Variants in UBR3 observed in about 807,000 individuals in gnomAD.
The protein encoded by UBR3 is ubiquitin protein ligase E3 component n-recognin 3, also known as E3 ubiquitin-protein ligase UBR3.
In UBR3, 85 loss-of-function variants were observed where a neutral mutation model predicts 243.2. The observed-to-expected ratio is 0.35, with a 90% CI of 0.29 to 0.42. UBR3 has a LOEUF of 0.42. Among genes scored for constraint, UBR3 ranks in the 10% least tolerant of loss-of-function variants. The probability of loss-of-function intolerance (pLI) is 1.00; values close to 1 mark genes in which losing one functional copy is unlikely to be tolerated. For synonymous variants in UBR3, 748 were observed against 799.8 expected, an observed-to-expected ratio of 0.94 and a Z score of 1.09; for missense variants, 1,686 against 2,300.8, an observed-to-expected ratio of 0.73 and a Z score of 5.47.
At chr2:169,863,916 C>A (rs556445250) in intron 1 of UBR3, among the ~76,000 whole-genome samples, 2 of 152,316 alleles carry the variant, frequency 1.3e-5, no homozygotes, top group Non-Finnish European at 2.9e-5. Flanking sequence ...GCATGCCTAG[C>A]CTACCTCCTT....
intron 36 of UBR3, 82 bp downstream of exon 36, chr2:170,073,689 G>T: frequency 3.5e-6 from 5 of 1,413,460 alleles, no homozygotes; most frequent in South Asian, 1.5e-5. Context: ...TTAAATTTTA[G>T]GTCATCTGTT....
intron 26 of UBR3, 37 bp downstream of exon 26, chr2:169,994,493 A>T (rs1224866599): frequency 6.4e-7 from 1 of 1,568,628 alleles, no homozygotes; most frequent in East Asian, 2.3e-5. Flanking sequence ...TTTGTCTGCC[A>T]AGTTGATGGT....
chr2:169,966,724 C>A (rs934003556), intron 24 of UBR3, among the ~76,000 whole-genome samples: 1 of 152,258 alleles, frequency 6.6e-6, no homozygotes, highest in East Asian at 1.9e-4. Context: ...AATTTTTATA[C>A]TACCTCATAG....
Position 169,928,604 on chromosome 2 carries a change from G to T in UBR3, c.2425-123G>T, listed in dbSNP as rs2085999300. On this transcript the variant is annotated intron_variant, in intron 17 of 38. Coordinates refer to ENST00000272793, the MANE Select transcript of UBR3 (RefSeq NM_172070.4). ...GTATTATATAGCCCTCTTGTGGCCA[G>T]CTTTGTATATTACAACCAATTACTA... The T allele has an allele frequency of 2.6e-5, 18 of 679,484 alleles. 1 individual carries two copies. In the South Asian group the frequency reaches 4.7e-4, roughly 18 times the overall value. 42.1% of individuals were successfully genotyped at this position (679,484 alleles called of 1,614,324 possible).
At chr2:169,927,491 T>C in intron 17 of UBR3, 86 bp downstream of exon 17, 1 of 1,092,300 alleles carries the variant, frequency 9.2e-7, no homozygotes, top group Admixed American at 3.0e-5. Context: ...ATTTTTTGAT[T>C]AATTTTTTTT....
chr2:169,829,949 C>T (rs2081879601), intron 1 of UBR3, among the ~76,000 whole-genome samples: 1 of 151,912 alleles, frequency 6.6e-6, no homozygotes, highest in Non-Finnish European at 1.5e-5. Context: ...CCTAGTTTTT[C>T]AGTCTCTTTT....
intron 1 of UBR3, among the ~76,000 whole-genome samples, chr2:169,849,748 C>T (rs2082597340): frequency 1.3e-5 from 2 of 152,190 alleles, no homozygotes; most frequent in Non-Finnish European, 2.9e-5. Flanking sequence ...AGAACAAAGT[C>T]TCGTATAAAG....
At chr2:170,026,808 A>G (rs2090541089) in intron 30 of UBR3, among the ~76,000 whole-genome samples, 1 of 152,052 alleles carries the variant, frequency 6.6e-6, no homozygotes, top group African/African-American at 2.4e-5. Context: ...TCATGCATGC[A>G]GTTGGTAGTT....
intron 24 of UBR3, among the ~76,000 whole-genome samples, chr2:169,980,295 C>T (rs971963197): frequency 2.0e-5 from 3 of 152,102 alleles, no homozygotes; most frequent in Non-Finnish European, 2.9e-5. Context: ...AGTATGAACT[C>T]ATGTTTAGAC....
chr2:170,023,987 C>T (rs967298473), intron 30 of UBR3, among the ~76,000 whole-genome samples: 4 of 152,152 alleles, frequency 2.6e-5, no homozygotes, highest in Non-Finnish European at 4.4e-5. Context: ...CAGGCATGAG[C>T]CACCGCGCCT....
chr2:169,859,543 T>C (rs1387164821), intron 1 of UBR3, among the ~76,000 whole-genome samples: 1 of 152,150 alleles, frequency 6.6e-6, no homozygotes. Context: ...CACCTTGTTA[T>C]TATCCCACAG....
At chr2:169,841,889 C>T (rs369960514) in intron 1 of UBR3, among the ~76,000 whole-genome samples, 12 of 152,234 alleles carry the variant, frequency 7.9e-5, no homozygotes, top group African/African-American at 2.7e-4. Context: ...TGCCCAGTCC[C>T]GTCGACCACC....
chr2:169,921,855 G>T (rs2085710791), intron 11 of UBR3, among the ~76,000 whole-genome samples: 1 of 152,120 alleles, frequency 6.6e-6, no homozygotes, highest in Non-Finnish European at 1.5e-5. Flanking sequence ...AGCCGGTGTG[G>T]TAATACATGC....
chr2:170,015,963 T>C (rs1304290147), intron 30 of UBR3, among the ~76,000 whole-genome samples: 2 of 151,868 alleles, frequency 1.3e-5, no homozygotes, highest in African/African-American at 4.8e-5. Flanking sequence ...AGAGAATTAA[T>C]GTGCATAGTA....
chr2:170,064,929 A>G (rs1405973715), intron 35 of UBR3, among the ~76,000 whole-genome samples: 2 of 148,100 alleles, frequency 1.4e-5, no homozygotes, highest in Admixed American at 1.4e-4. Flanking sequence ...TGCAACCTCC[A>G]TCTCCTGGGT....
chr2:169,831,129 T>TATA (rs2081925483), intron 1 of UBR3, among the ~76,000 whole-genome samples: 525 of 23,548 alleles, frequency 0.022, 22 homozygotes, highest in Middle Eastern at 0.029. Flanking sequence ...ATATATATAT[T>TATA]TTTTTTTTTT....
chr2:169,843,432 T>C (rs1203868788), intron 1 of UBR3, among the ~76,000 whole-genome samples: 4 of 152,146 alleles, frequency 2.6e-5, no homozygotes, highest in Non-Finnish European at 5.9e-5. Flanking sequence ...CCAGCCCTTT[T>C]ATAAGGCACT....
chr2:169,893,733 C>T (rs1326094463), intron 6 of UBR3, among the ~76,000 whole-genome samples: 3 of 151,870 alleles, frequency 2.0e-5, no homozygotes, highest in Non-Finnish European at 2.9e-5. Flanking sequence ...GGCTGATTTT[C>T]GTATTTTTTT....
Position 169,924,105 on chromosome 2 carries a change from G to C in UBR3, c.1954G>C (p.Asp652His). The C allele has an allele frequency of 6.5e-7, 1 of 1,544,798 alleles. No homozygotes were observed. Among genetic ancestry groups the C allele is most frequent in the East Asian group, 2.5e-5 (1 of 40,718 alleles). Residue 652 changes from aspartate to histidine, a missense_variant, in exon 13 of 39, where the codon GAT becomes CAT. Asp to His is a moderately conservative substitution (Grantham distance 81, BLOSUM62 -1). Around this residue, in one of 8 missense-constraint regions of UBR3, gnomAD observed 346 missense variants for 585.8 expected, o/e 0.59. Coordinates refer to ENST00000272793, the MANE Select transcript of UBR3 (RefSeq NM_172070.4). ...TTAGGCTGTGAAATGTCAAGAACTA[G>C]ATTTGGATTCTGTTTTACCAGATCA... The part of the protein sequence containing the change: ...LSKAVKCQEL[D>H]LDSVLPDQEM...
Sources: allele counts gnomAD v4.1 joint callset (sites outside exome capture counted in the v4.1 genomes callset), GRCh38; gene constraint gnomAD v4.1.1; regional missense constraint gnomAD v4.1.1; transcripts MANE v1.5; gene names NCBI Gene and HGNC (gene_info 2026-07-23, HGNC 2026-07-21).